Variants in PRDM2 observed in about 807,000 individuals in gnomAD.
PRDM2 encodes the protein PR/SET domain 2.
A neutral mutation model predicts 130.0 loss-of-function variants in PRDM2; 30 were observed. The ratio of observed to expected loss-of-function variants is 0.23; its 90% CI spans 0.17 to 0.31. The LOEUF (loss-of-function observed/expected upper bound fraction) is 0.31, where lower values mean the gene tolerates loss of function less well. Among genes scored for constraint, PRDM2 ranks in the 10% least tolerant of loss-of-function variants. The pLI is 1.00. For missense variants in PRDM2, 2,011 were observed against 2,108.4 expected (o/e 0.95, Z 0.90); for synonymous variants, 871 against 782.4 (o/e 1.11, Z -1.89).
intron 2 of PRDM2, among the ~76,000 whole-genome samples, chr1:13,723,254 C>A (rs954047017): frequency 6.6e-6 from 1 of 152,210 alleles, no homozygotes; most frequent in African/African-American, 2.4e-5. Context: ...ACTGCACTGT[C>A]CCCTCCTTAT....
At chr1:13,721,675 A>T (rs1033302539) in intron 2 of PRDM2, among the ~76,000 whole-genome samples, 1 of 152,222 alleles carries the variant, frequency 6.6e-6, no homozygotes, top group Non-Finnish European at 1.5e-5. Context: ...AAAAAAAATT[A>T]ACAACCTGAA....
chr1:13,781,037 T>C lies in PRDM2; in HGVS notation c.3242T>C (p.Ile1081Thr). Reference sequence around the variant, plus strand: ...CCTTCTCCACCTCCTCTCTCCGCAATATCATCTGTTGTTTCCTCTGGTGAT... The same window carrying C: ...CCTTCTCCACCTCCTCTCTCCGCAACATCATCTGTTGTTTCCTCTGGTGAT... ...SSPSPPPLSA[I>T]SSVVSSGDNL... The change falls in exon 8 of 10, where the codon ATA becomes ACA. Residue 1081 changes from isoleucine to threonine, a missense_variant. Around this residue, in one of 5 missense-constraint regions of PRDM2, gnomAD observed 1,288 missense variants for 1,237.7 expected, o/e 1.04. Transcript: ENST00000311066. The surrounding 1 kb of genome is among the most constrained non-coding windows in gnomAD (Gnocchi z 6.1). 1.2e-6 allele frequency: 2 copies of C among 1,610,070 alleles called. No individual in the cohort carries two copies. Among genetic ancestry groups the C allele is most frequent in the Non-Finnish European group, 8.5e-7 (1 of 1,176,410 alleles).
At chr1:13,815,139 C>A (rs575776989) in intron 8 of PRDM2, among the ~76,000 whole-genome samples, 1 of 152,232 alleles carries the variant, frequency 6.6e-6, no homozygotes, top group East Asian at 1.9e-4. Context: ...TGGAGTCTTG[C>A]TCTGTTGCCC....
At chr1:13,703,705 G>C (rs1642130175) in intron 1 of PRDM2, among the ~76,000 whole-genome samples, 1 of 152,220 alleles carries the variant, frequency 6.6e-6, no homozygotes, top group Non-Finnish European at 1.5e-5. Context: ...AATTTGCATA[G>C]AGTTGATGCG....
intron 6 of PRDM2, among the ~76,000 whole-genome samples, chr1:13,754,512 T>C (rs1245808681): frequency 2.6e-5 from 4 of 152,230 alleles, no homozygotes; most frequent in Admixed American, 6.5e-5. Flanking sequence ...TTCTACATAA[T>C]GTGGAGCTTT....
chr1:13,759,590 G>A (rs1270302874), intron 6 of PRDM2, among the ~76,000 whole-genome samples: 1 of 152,170 alleles, frequency 6.6e-6, no homozygotes, highest in African/African-American at 2.4e-5. Flanking sequence ...AGAAATGAGA[G>A]TTCCTACTGT....
intron 8 of PRDM2, among the ~76,000 whole-genome samples, chr1:13,792,792 G>A (rs1477102994): frequency 1.3e-5 from 2 of 152,226 alleles, no homozygotes; most frequent in African/African-American, 2.4e-5. Flanking sequence ...CCTTTCCAGC[G>A]CGTGGGGCAC....
chr1:13,788,022 A>G, intron 8 of PRDM2: 1 of 982,426 alleles, frequency 1.0e-6, no homozygotes, highest in Non-Finnish European at 1.2e-6. Context: ...TAATAACTAG[A>G]GGAGAATTTA....
chr1:13,759,016 GTTAGT>G (rs1329329244), intron 6 of PRDM2, among the ~76,000 whole-genome samples: 5 of 152,166 alleles, frequency 3.3e-5, no homozygotes, highest in Middle Eastern at 3.4e-3. Flanking sequence ...ATATGTTCTT[GTTAGT>G]TTAATCAGTG....
intron 4 of PRDM2, among the ~76,000 whole-genome samples, chr1:13,735,059 T>G (rs1643226185): frequency 6.6e-6 from 1 of 152,212 alleles, no homozygotes; most frequent in Non-Finnish European, 1.5e-5. Context: ...GCATTTGTTC[T>G]TCCATCAAAG....
chr1:13,719,592 C>G (rs1642656895), intron 2 of PRDM2, among the ~76,000 whole-genome samples: 1 of 152,228 alleles, frequency 6.6e-6, no homozygotes, highest in South Asian at 2.1e-4. Context: ...AGTTGGACGA[C>G]TTAATGGACC....
intron 8 of PRDM2, among the ~76,000 whole-genome samples, chr1:13,810,023 C>T (rs184446741): frequency 2.0e-5 from 3 of 152,204 alleles, no homozygotes; most frequent in South Asian, 2.1e-4. Flanking sequence ...GCACTAATCC[C>T]GTCATGAATG....
At chr1:13,802,658 T>A (rs1228009756) in intron 8 of PRDM2, among the ~76,000 whole-genome samples, 2 of 152,202 alleles carry the variant, frequency 1.3e-5, no homozygotes, top group Non-Finnish European at 2.9e-5. Flanking sequence ...ATAATGAAGC[T>A]TTAGTGTCCT....
At position 13,780,881 on chromosome 1, in the gene PRDM2, C is replaced by T. The variant is rs533063437; in HGVS notation, c.3086C>T (p.Pro1029Leu). 4 of 1,613,020 alleles carry T rather than the reference C, an allele frequency of 2.5e-6. No individual in the cohort carries two copies. The highest frequency in any genetic ancestry group is 1.1e-5 in the South Asian group (1 of 91,042). ...CCAATTCTGTCCCCAACAGTGTCCCCCTCTCCCTCTCCCATTCCTCCCGTG... is the reference window on the plus strand; with the variant it reads ...CCAATTCTGTCCCCAACAGTGTCCCTCTCTCCCTCTCCCATTCCTCCCGTG... The part of the protein sequence containing the change: ...PLPILSPTVS[P>L]SPSPIPPVEP... The change falls in exon 8 of 10, where the codon CCC becomes CTC. Residue 1029 changes from proline (P) to leucine (L), a missense_variant. Around this residue, in one of 5 missense-constraint regions of PRDM2, gnomAD observed 1,288 missense variants for 1,237.7 expected, o/e 1.04. Coordinates refer to ENST00000311066, the MANE Select transcript of PRDM2 (RefSeq NM_001393986.1).
chr1:13,782,955 T>C (rs2100678692), intron 8 of PRDM2, 124 bp downstream of exon 8: 3 of 1,555,492 alleles, frequency 1.9e-6, no homozygotes, highest in Non-Finnish European at 2.6e-6. Flanking sequence ...ATAGCTGTTG[T>C]ATAAGTTAAA....
In PRDM2 at chr1:13,778,938, C is replaced by A; in HGVS notation, c.1143C>A (p.Ile381=). The part of the protein sequence containing the change: ...TKQGLERHMH[I]HISTVNHAFK... Reference sequence around the variant, plus strand: ...AGGGGCTTGAGCGTCACATGCATATCCATATATCCACCGTCAATCATGCTT... The same window carrying A: ...AGGGGCTTGAGCGTCACATGCATATACATATATCCACCGTCAATCATGCTT... The change falls in exon 8 of 10, where the codon ATC becomes ATA. Residue 381 remains isoleucine (I), a synonymous_variant. Coordinates refer to ENST00000311066, the MANE Select transcript of PRDM2 (RefSeq NM_001393986.1). 6.2e-7 allele frequency: 1 copy of A among 1,614,200 alleles called. No individual in the cohort carries two copies. Among genetic ancestry groups the A allele is most frequent in the South Asian group, 1.1e-5 (1 of 91,084 alleles).
At position 13,780,672 on chromosome 1, in the gene PRDM2, T is replaced by C; in HGVS notation, c.2877T>C (p.Gly959=). ...TGCAGACACCCTCCCTTTCATCCGG[T>C]CAGCTGCCTCCTCTCTTGATCCCCA... The part of the protein sequence containing the change: ...PALQTPSLSS[G]QLPPLLIPTD... The change falls in exon 8 of 10, where the codon GGT becomes GGC. Residue 959 remains glycine (G), a synonymous_variant. Coordinates refer to ENST00000311066, the MANE Select transcript of PRDM2 (RefSeq NM_001393986.1). 6.2e-7 allele frequency: 1 copy of C among 1,611,178 alleles called. No individual in the cohort carries two copies. Among genetic ancestry groups the C allele is most frequent in the South Asian group, 1.1e-5 (1 of 90,716 alleles).
intron 8 of PRDM2, among the ~76,000 whole-genome samples, chr1:13,784,353 A>G (rs1202025822): frequency 1.3e-5 from 2 of 152,198 alleles, no homozygotes; most frequent in East Asian, 1.9e-4. Flanking sequence ...TGTGTCTTCA[A>G]CAAGCAGAGT....
At chr1:13,772,449 T>A (rs1644380551) in intron 6 of PRDM2, among the ~76,000 whole-genome samples, 1 of 152,242 alleles carries the variant, frequency 6.6e-6, no homozygotes, top group African/African-American at 2.4e-5. Flanking sequence ...GAATTGTTAA[T>A]GAAATATTGA....
Sources: allele counts gnomAD v4.1 joint callset (sites outside exome capture counted in the v4.1 genomes callset), GRCh38; gene constraint gnomAD v4.1.1; regional missense constraint gnomAD v4.1.1; non-coding constraint Gnocchi (gnomAD v3.1); transcripts MANE v1.5; gene names NCBI Gene and HGNC (gene_info 2026-07-23, HGNC 2026-07-21).